NF1: variants seen among roughly 807,000 people sequenced by gnomAD.
The protein encoded by NF1 is neurofibromin.
In NF1, 122 loss-of-function variants were observed where a neutral mutation model predicts 325.7. That is an observed-to-expected ratio of 0.37 (90% confidence interval 0.32 to 0.44). The LOEUF is 0.44. Ranked by LOEUF, NF1 falls within the 20% of genes least tolerant of loss-of-function variation. The probability of loss-of-function intolerance (pLI) is 1.00; values close to 1 mark genes in which losing one functional copy is unlikely to be tolerated. For synonymous variants in NF1, 1,091 were observed against 1,186.0 expected, an observed-to-expected ratio of 0.92 and a Z score of 1.65; for missense variants, 2,140 against 3,415.4, an observed-to-expected ratio of 0.63 and a Z score of 9.31.
intron 36 of NF1, chr17:31,304,459 C>G: frequency 6.2e-7 from 1 of 1,614,140 alleles, no homozygotes; most frequent in East Asian, 2.2e-5. Context: ...ATGATCTCCA[C>G]AGTCTTGATT....
intron 5 of NF1, among the ~76,000 whole-genome samples, chr17:31,178,956 C>T (rs951351220): frequency 5.3e-5 from 8 of 152,232 alleles, no homozygotes; most frequent in African/African-American, 7.2e-5. Context: ...GACAGATCAA[C>T]GAGACAGAAA....
chr17:31,222,175 G>A (rs2066936271), intron 15 of NF1: 1 of 1,198,522 alleles, frequency 8.3e-7, no homozygotes, highest in African/African-American at 1.6e-5. Flanking sequence ...CATAAGTACT[G>A]TTGTTTGGTA....
Position 31,155,971 on chromosome 17 carries a change from T to C in NF1, c.61-12T>C, listed in dbSNP as rs1422329458. Reference sequence around the variant, plus strand: ...AAGCTGTTAACGTGTTTTTTTTTTCTTTTTTTTTCAGCTTCCAATAAAAAC... The same window carrying C: ...AAGCTGTTAACGTGTTTTTTTTTTCCTTTTTTTTCAGCTTCCAATAAAAAC... On this transcript the variant is annotated splice_polypyrimidine_tract_variant and intron_variant, in intron 1 of 57. Transcript: ENST00000358273. 6.3e-7 allele frequency: 1 copy of C among 1,594,274 alleles called. No individual in the cohort carries two copies. The highest frequency in any genetic ancestry group is 8.6e-7 in the Non-Finnish European group (1 of 1,168,002).
chr17:31,336,417 A>T lies in NF1; in HGVS notation c.6091A>T (p.Met2031Leu), dbSNP rs2151553431. 2 of 1,614,134 alleles carry T rather than the reference A, an allele frequency of 1.2e-6. No homozygotes were observed. Among genetic ancestry groups the T allele is most frequent in the Non-Finnish European group, 1.7e-6 (2 of 1,180,010 alleles). The change falls in exon 41 of 58, where the codon ATG becomes TTG. Residue 2031 changes from methionine to leucine, a missense_variant. Met to Leu is a conservative substitution (Grantham distance 15). Coordinates refer to ENST00000358273, the MANE Select transcript of NF1 (RefSeq NM_001042492.3). The surrounding 1 kb of genome is among the most constrained non-coding windows in gnomAD (Gnocchi z 5.5). ...CTTGGGATCAATAAAAGCTGAGGTGATGGCAGATACTGCTGTAGCTTTGGC... is the reference window on the plus strand; with the variant it reads ...CTTGGGATCAATAAAAGCTGAGGTGTTGGCAGATACTGCTGTAGCTTTGGC... ...GGLGSIKAEV[M>L]ADTAVALASG...
intron 51 of NF1, among the ~76,000 whole-genome samples, chr17:31,352,851 T>C (rs1281121692): frequency 6.6e-6 from 1 of 152,232 alleles, no homozygotes; most frequent in Non-Finnish European, 1.5e-5. Context: ...CCGTGCTTTC[T>C]TTGAAAAGAC....
chr17:31,098,113 G>GTA (rs921233719), intron 1 of NF1, among the ~76,000 whole-genome samples: 2 of 148,010 alleles, frequency 1.4e-5, no homozygotes, highest in Non-Finnish European at 3.0e-5. Context: ...ATTATATATA[G>GTA]TATATATATA....
intron 36 of NF1, among the ~76,000 whole-genome samples, chr17:31,316,977 A>T (rs774781504): frequency 6.6e-6 from 1 of 152,178 alleles, no homozygotes; most frequent in Non-Finnish European, 1.5e-5. Context: ...TTCCAGTTGC[A>T]TCAGAAGGAA....
chr17:31,219,309 G>C, intron 14 of NF1, 191 bp downstream of exon 14: 1 of 449,148 alleles, frequency 2.2e-6, no homozygotes, highest in Non-Finnish European at 4.0e-6. Flanking sequence ...GTATCACATA[G>C]CAATAACATT....
intron 1 of NF1, among the ~76,000 whole-genome samples, chr17:31,126,050 T>C (rs1045639698): frequency 6.6e-6 from 1 of 152,204 alleles, no homozygotes; most frequent in Non-Finnish European, 1.5e-5. Context: ...TAGCTGGACG[T>C]TGTGGCATGC....
intron 36 of NF1, among the ~76,000 whole-genome samples, chr17:31,272,993 A>C (rs2067931785): frequency 6.6e-6 from 1 of 152,200 alleles, no homozygotes. Context: ...CCCAAGACTG[A>C]AAAAGAGCTT....
At chr17:31,268,624 TAAAA>T (rs1296165385) in intron 36 of NF1, among the ~76,000 whole-genome samples, 2 of 118,254 alleles carry the variant, frequency 1.7e-5, no homozygotes, top group Admixed American at 8.7e-5. Flanking sequence ...AGACTCTGTC[TAAAA>T]AAAAAAAAAA....
chr17:31,264,121 G>A (rs988721712), intron 35 of NF1, among the ~76,000 whole-genome samples: 8 of 152,152 alleles, frequency 5.3e-5, no homozygotes, highest in African/African-American at 1.7e-4. Context: ...AATTTAGGCC[G>A]AGTGCGGTGA....
chr17:31,166,230 C>A (rs2065842354), intron 4 of NF1, among the ~76,000 whole-genome samples: 1 of 152,084 alleles, frequency 6.6e-6, no homozygotes, highest in Admixed American at 6.6e-5. Context: ...TATTTGGTTC[C>A]ATACAAATCT....
intron 4 of NF1, among the ~76,000 whole-genome samples, chr17:31,165,952 A>G (rs1471531672): frequency 1.3e-5 from 2 of 152,266 alleles, no homozygotes; most frequent in Admixed American, 6.5e-5. Flanking sequence ...TTGGCCTCCC[A>G]AAGTGTTGGG....
At chr17:31,194,119 A>G (rs78338361) in intron 8 of NF1, among the ~76,000 whole-genome samples, 1 of 152,226 alleles carries the variant, frequency 6.6e-6, no homozygotes, top group African/African-American at 2.4e-5. Flanking sequence ...CACAATAGCC[A>G]AGATATGGAA....
intron 14 of NF1, 155 bp downstream of exon 14, chr17:31,219,273 G>A (rs1482491789): frequency 1.9e-5 from 13 of 687,628 alleles, no homozygotes; most frequent in Non-Finnish European, 2.9e-5. Flanking sequence ...AAAACTCCAT[G>A]GAGAAAGAAG....
chr17:31,102,783 A>G lies in NF1; in HGVS notation c.60+7414A>G, dbSNP rs1912467409. Among the ~76,000 whole-genome samples, 4 of 149,432 alleles carry G rather than the reference A, an allele frequency of 2.7e-5. No individual in the cohort carries two copies. The South Asian group carries it at 6.3e-4, about 23-fold the overall frequency. On this transcript the variant is annotated intron_variant, in intron 1 of 57. Coordinates refer to ENST00000358273, the MANE Select transcript of NF1 (RefSeq NM_001042492.3). ...GACTAGTCTCTGGATATTCCTTTGT[A>G]TGTACCTTGGCCAATATATACCTTA... is the stretch of plus-strand genomic sequence containing the variant.
intron 24 of NF1, among the ~76,000 whole-genome samples, chr17:31,231,528 A>T (rs1166466183): frequency 2.6e-5 from 4 of 152,168 alleles, no homozygotes; most frequent in African/African-American, 9.7e-5. Flanking sequence ...TAAAATCCAC[A>T]GATGCTCAAG....
chr17:31,366,969 TAATTCTTAATTTAAACTAA>T (rs1378178427), intron 57 of NF1, among the ~76,000 whole-genome samples: 9 of 152,156 alleles, frequency 5.9e-5, no homozygotes, highest in African/African-American at 1.4e-4. Flanking sequence ...ATTTTTAGCT[TAATTCTTAATTTAAACTAA>T]AATTCTTAAT....
Sources: allele counts gnomAD v4.1 joint callset (sites outside exome capture counted in the v4.1 genomes callset), GRCh38; gene constraint gnomAD v4.1.1; non-coding constraint Gnocchi (gnomAD v3.1); transcripts MANE v1.5; gene names NCBI Gene and HGNC (gene_info 2026-07-23, HGNC 2026-07-21).